SCEL: variants seen among roughly 807,000 people sequenced by gnomAD.
The protein encoded by SCEL is sciellin.
In SCEL, 113 loss-of-function variants were observed where a neutral mutation model predicts 117.6. That is an observed-to-expected ratio of 0.96 (90% CI 0.83 to 1.12). The LOEUF is 1.12. SCEL is among the 50% of genes most tolerant of loss of function. The probability of loss-of-function intolerance (pLI) is 0.00; values close to 1 mark genes in which losing one functional copy is unlikely to be tolerated. For missense variants in SCEL, 785 were observed against 810.8 expected (o/e 0.97, Z 0.39); for synonymous variants, 270 against 256.2 (o/e 1.05, Z -0.51).
At chr13:77,608,271 G>C (rs1026796435) in intron 20 of SCEL, among the ~76,000 whole-genome samples, 156 bp downstream of exon 20, 1 of 152,160 alleles carries the variant, frequency 6.6e-6, no homozygotes, top group African/African-American at 2.4e-5. Flanking sequence ...CTTGAATGCT[G>C]AGCTTCAGCC....
intron 16 of SCEL, 92 bp from the exon 17 acceptor site, chr13:77,602,562 T>C: frequency 9.2e-7 from 1 of 1,081,824 alleles, no homozygotes; most frequent in Non-Finnish European, 1.4e-6. Flanking sequence ...TGAAAACACC[T>C]GACACCACAT....
intron 27 of SCEL, chr13:77,623,292 T>TA (rs1248707970): frequency 6.6e-6 from 1 of 152,194 alleles, no homozygotes. Context: ...CCAAAGTAAA[T>TA]ACACACTTTG....
intron 1 of SCEL, among the ~76,000 whole-genome samples, chr13:77,536,034 C>T (rs1391193623): frequency 6.6e-6 from 1 of 151,978 alleles, no homozygotes; most frequent in Non-Finnish European, 1.5e-5. Flanking sequence ...GGCAATTTTA[C>T]ACGTTATGGG....
chr13:77,543,304 C>T (rs1368580700), intron 1 of SCEL, among the ~76,000 whole-genome samples: 1 of 151,556 alleles, frequency 6.6e-6, no homozygotes, highest in Non-Finnish European at 1.5e-5. Flanking sequence ...GGGATGGTCT[C>T]GATCTCCTGA....
At chr13:77,638,692 A>G (rs942974392) in intron 30 of SCEL, among the ~76,000 whole-genome samples, 12 of 152,300 alleles carry the variant, frequency 7.9e-5, no homozygotes, top group Middle Eastern at 3.4e-3. Context: ...AAGCACGTCA[A>G]TCCTGTTTAA....
chr13:77,575,174 A>C (rs1466959593), intron 9 of SCEL, among the ~76,000 whole-genome samples: 1 of 152,184 alleles, frequency 6.6e-6, no homozygotes, highest in Non-Finnish European at 1.5e-5. Flanking sequence ...TCAAGTTCAG[A>C]TTAAAAACTT....
intron 22 of SCEL, among the ~76,000 whole-genome samples, chr13:77,612,628 T>C (rs993639711): frequency 6.6e-6 from 1 of 151,844 alleles, no homozygotes; most frequent in Non-Finnish European, 1.5e-5. Context: ...ACAGATAAAG[T>C]ATGTAAAATA....
rs2090167654 is a variant in SCEL, at chr13:77,634,263, T to C, written c.1692-116T>C. 3.5e-5 allele frequency: 31 copies of C among 889,546 alleles called. No individual in the cohort carries two copies. The South Asian group carries it at 4.3e-4, about 12-fold the overall frequency. 55.1% of individuals were successfully genotyped at this position (889,546 alleles called of 1,614,324 possible). On this transcript the variant is annotated intron_variant, in intron 28 of 32. Transcript: ENST00000349847. ...CACTCTAACATTCATGTTTCAAAGT[T>C]ATAGTTCAGAAGGAACATATATTCA... is the stretch of plus-strand genomic sequence containing the variant.
chr13:77,638,003 C>T (rs563642665), intron 30 of SCEL, among the ~76,000 whole-genome samples: 5 of 152,278 alleles, frequency 3.3e-5, no homozygotes, highest in African/African-American at 1.2e-4. Flanking sequence ...TCAACCCAAG[C>T]CCTGGAAACA....
intron 13 of SCEL, among the ~76,000 whole-genome samples, chr13:77,598,271 T>A (rs10507871): frequency 0.13 from 20,443 of 152,244 alleles, 1,458 homozygotes; most frequent in Non-Finnish European, 0.15. Context: ...GTAAGTATAA[T>A]GTAAGCAAGC....
chr13:77,567,581 A>G, intron 5 of SCEL, 99 bp from the exon 6 acceptor site: 1 of 807,056 alleles, frequency 1.2e-6, no homozygotes, highest in South Asian at 1.7e-5. Flanking sequence ...TTTACTAGAG[A>G]AAGGCTATGT....
intron 10 of SCEL, among the ~76,000 whole-genome samples, chr13:77,590,541 G>T (rs943591005): frequency 6.6e-6 from 1 of 151,894 alleles, no homozygotes. Context: ...TAGTACCACC[G>T]ATATTCTAAT....
At chr13:77,564,390 G>C (rs909476611) in intron 5 of SCEL, among the ~76,000 whole-genome samples, 2 of 152,090 alleles carry the variant, frequency 1.3e-5, no homozygotes, top group African/African-American at 4.8e-5. Flanking sequence ...ATACTCTTTT[G>C]ACACTGGAGT....
At chr13:77,634,799 A>G (rs1301253780) in intron 29 of SCEL, among the ~76,000 whole-genome samples, 1 of 152,176 alleles carries the variant, frequency 6.6e-6, no homozygotes, top group Non-Finnish European at 1.5e-5. Flanking sequence ...GTTCCACTTG[A>G]ATTAAATAAT....
In SCEL at chr13:77,634,418, T is replaced by C. The variant is rs777645711; in HGVS notation, c.1731T>C (p.Thr577=). ...TGAKQAGPQD[T]VVYTRTYVEN... ...CCAAGCAGGCAGGACCACAGGATACTGTTGTGTACACAAGGACATATGTGG... is the reference window on the plus strand; with the variant it reads ...CCAAGCAGGCAGGACCACAGGATACCGTTGTGTACACAAGGACATATGTGG... Residue 577 remains threonine, a synonymous_variant, in exon 29 of 33, where the codon ACT becomes ACC. Transcript: ENST00000349847. The C allele has an allele frequency of 2.5e-6, 4 of 1,613,324 alleles. No individual in the cohort carries two copies. The highest frequency in any genetic ancestry group is 2.7e-5 in the African/African-American group (2 of 74,918).
chr13:77,631,263 T>C (rs781514574), intron 28 of SCEL, among the ~76,000 whole-genome samples: 1 of 152,182 alleles, frequency 6.6e-6, no homozygotes, highest in African/African-American at 2.4e-5. Context: ...ATTCCTATGG[T>C]TCTAAATAAC....
At chr13:77,549,221 C>T (rs1256103612) in intron 1 of SCEL, among the ~76,000 whole-genome samples, 1 of 152,162 alleles carries the variant, frequency 6.6e-6, no homozygotes, top group African/African-American at 2.4e-5. Context: ...TCACCAGCAT[C>T]TGTCATTTTT....
chr13:77,639,907 A>T (rs913096808), intron 30 of SCEL, among the ~76,000 whole-genome samples: 6 of 152,150 alleles, frequency 3.9e-5, no homozygotes, highest in Non-Finnish European at 8.8e-5. Flanking sequence ...TTAAAAAAGG[A>T]AAAGGATCCT....
intron 22 of SCEL, among the ~76,000 whole-genome samples, chr13:77,610,486 C>T (rs145266813): frequency 3.3e-5 from 5 of 152,010 alleles, no homozygotes; most frequent in Non-Finnish European, 5.9e-5. Flanking sequence ...TGCATTGTCC[C>T]GCCATAGAGA....
Sources: allele counts gnomAD v4.1 joint callset (sites outside exome capture counted in the v4.1 genomes callset), GRCh38; gene constraint gnomAD v4.1.1; transcripts MANE v1.5; gene names NCBI Gene and HGNC (gene_info 2026-07-23, HGNC 2026-07-21).